CAMK1G: variants seen among roughly 807,000 people sequenced by gnomAD.
CAMK1G encodes calcium/calmodulin-dependent protein kinase type 1G.
In CAMK1G, 27 loss-of-function variants were observed where a neutral mutation model predicts 54.8. The ratio of observed to expected loss-of-function variants is 0.49; its 90% CI spans 0.36 to 0.68. CAMK1G has a LOEUF of 0.68. CAMK1G is among the 30% of genes least tolerant of loss of function. The pLI, the probability that CAMK1G is intolerant of heterozygous loss-of-function variation, is 0.00. For missense variants in CAMK1G, 512 were observed against 591.0 expected (o/e 0.87, Z 1.39); for synonymous variants, 238 against 224.9 (o/e 1.06, Z -0.52).
chr1:209,605,435 G>A, intron 4 of CAMK1G, 101 bp from the exon 5 acceptor site: 1 of 1,413,050 alleles, frequency 7.1e-7, no homozygotes, highest in Non-Finnish European at 9.6e-7. Context: ...GGGCCTGCCT[G>A]TTCCACTGCA....
intron 2 of CAMK1G, 113 bp from the exon 3 acceptor site, chr1:209,599,870 T>A (rs1665484463): frequency 7.8e-7 from 1 of 1,287,080 alleles, no homozygotes; most frequent in Non-Finnish European, 1.1e-6. Flanking sequence ...AGTATATGCC[T>A]TTGTGGTCAG....
rs139223811 is a variant in CAMK1G at position 209,609,420 on chromosome 1, A to T, written c.748+328A>T. 1.0e-3 allele frequency among the ~76,000 whole-genome samples: 154 copies of T among 152,356 alleles called. 1 individual carries two copies. Among genetic ancestry groups the T allele is most frequent in the African/African-American group, 3.4e-3 (142 of 41,590 alleles). On this transcript the variant is annotated intron_variant, in intron 8 of 12. Transcript: ENST00000361322. ...ACAAGAGCAGCAAAACTAAGGGGTT[A>T]GATATCAAGAAAGAGCATGCAATGT...
intron 1 of CAMK1G, among the ~76,000 whole-genome samples, chr1:209,593,850 T>G (rs1039142867): frequency 7.9e-6 from 1 of 126,912 alleles, no homozygotes; most frequent in Non-Finnish European, 1.9e-5. Context: ...TGTCTTCCCA[T>G]CTCACCTAGA....
intron 1 of CAMK1G, among the ~76,000 whole-genome samples, chr1:209,587,231 C>G (rs1665125245): frequency 6.6e-6 from 1 of 151,884 alleles, no homozygotes; most frequent in Non-Finnish European, 1.5e-5. Context: ...ACAGGCCCAG[C>G]CATTCACCTA....
At chr1:209,602,959 A>G (rs1043423188) in intron 3 of CAMK1G, among the ~76,000 whole-genome samples, 20 of 152,354 alleles carry the variant, frequency 1.3e-4, no homozygotes, top group African/African-American at 4.8e-4. Context: ...TCCTGGCATA[A>G]CAAGGAAGTG....
intron 1 of CAMK1G, among the ~76,000 whole-genome samples, chr1:209,588,735 G>A (rs558974847): frequency 6.6e-6 from 1 of 152,168 alleles, no homozygotes; most frequent in Non-Finnish European, 1.5e-5. Flanking sequence ...TCGGGCTAGT[G>A]GTGCTCCCTT....
chr1:209,609,125 G>A (rs774805053), intron 8 of CAMK1G, 33 bp downstream of exon 8: 3 of 1,613,674 alleles, frequency 1.9e-6, no homozygotes, highest in Admixed American at 1.7e-5. Context: ...AGAGATAACA[G>A]GCTCAAGGTA....
intron 1 of CAMK1G, among the ~76,000 whole-genome samples, chr1:209,584,638 G>C (rs1276284050): frequency 6.6e-6 from 1 of 152,152 alleles, no homozygotes; most frequent in African/African-American, 2.4e-5. Context: ...GGCTGCCAGG[G>C]CTCACGCTGG....
At chr1:209,601,205 T>G (rs1271259611) in intron 3 of CAMK1G, among the ~76,000 whole-genome samples, 1 of 152,140 alleles carries the variant, frequency 6.6e-6, no homozygotes, top group African/African-American at 2.4e-5. Flanking sequence ...TATAAGACTT[T>G]CACAATAATT....
intron 1 of CAMK1G, among the ~76,000 whole-genome samples, chr1:209,585,267 C>T (rs1451763949): frequency 1.3e-5 from 2 of 152,186 alleles, no homozygotes; most frequent in Non-Finnish European, 2.9e-5. Flanking sequence ...TGTCCCCAGC[C>T]TCCATGCTGA....
chr1:209,611,611 G>A, intron 10 of CAMK1G, 59 bp downstream of exon 10: 1 of 1,536,670 alleles, frequency 6.5e-7, no homozygotes, highest in Non-Finnish European at 9.0e-7. Context: ...GGCTGGGCTG[G>A]CAGGGGCTGA....
At position 209,598,345 on chromosome 1, in the gene CAMK1G, A is replaced by T. The variant is rs1026378715; in HGVS notation, c.93-1638A>T. Among the ~76,000 whole-genome samples, 20 of 152,276 alleles carry T rather than the reference A, an allele frequency of 1.3e-4. No homozygotes were observed. In the East Asian group the frequency reaches 2.9e-3, roughly 22 times the overall value. On this transcript the variant is annotated intron_variant, in intron 2 of 12. Transcript: ENST00000361322. The stretch of plus-strand genomic sequence containing the variant: ...TAACTGGTACAGAGTGATCACCACC[A>T]CCTAAAATTGAGAGACGAGTCTTTT...
Position 209,600,110 on chromosome 1 carries a change from A to G in CAMK1G, c.220A>G (p.Lys74Glu), listed in dbSNP as rs767156458. The change falls in exon 3 of 13, where the codon AAG becomes GAG. Residue 74 changes from lysine to glutamate, a missense_variant and splice_region_variant. Around this residue, in one of 3 missense-constraint regions of CAMK1G, gnomAD observed 186 missense variants for 231.5 expected, o/e 0.80. Transcript: ENST00000361322. ...GGAGAATGAGATTGCTGTGTTGAAA[A>G]AGTGAGTGGGTCTTAGTGTTGACTG... ...SLENEIAVLK[K>E]IKHENIVTLE... The G allele has an allele frequency of 6.2e-7, 1 of 1,613,308 alleles. No homozygotes were observed. Among genetic ancestry groups the G allele is most frequent in the Admixed American group, 1.7e-5 (1 of 59,986 alleles).
At chr1:209,599,502 G>C (rs774702662) in intron 2 of CAMK1G, among the ~76,000 whole-genome samples, 1 of 152,110 alleles carries the variant, frequency 6.6e-6, no homozygotes, top group Non-Finnish European at 1.5e-5. Context: ...TCTCCCAAGC[G>C]TTAGTTGTGG....
intron 4 of CAMK1G, among the ~76,000 whole-genome samples, chr1:209,603,618 G>A (rs1665579175): frequency 2.0e-5 from 3 of 151,936 alleles, no homozygotes; most frequent in Admixed American, 1.3e-4. Flanking sequence ...ACCCCTCCTC[G>A]CCCCTTGCAA....
intron 3 of CAMK1G, among the ~76,000 whole-genome samples, chr1:209,602,325 CAA>C (rs1289455706): frequency 2.0e-5 from 3 of 152,090 alleles, no homozygotes; most frequent in African/African-American, 7.2e-5. Flanking sequence ...CCCTGAGAGG[CAA>C]AATAGTCCCT....
At chr1:209,593,786 G>A (rs532042736) in intron 1 of CAMK1G, among the ~76,000 whole-genome samples, 20 of 152,310 alleles carry the variant, frequency 1.3e-4, no homozygotes, top group African/African-American at 4.1e-4. Flanking sequence ...ATCAGCCAGA[G>A]TGAACTCTTT....
chr1:209,607,249 A>G (rs1444418277), intron 6 of CAMK1G, among the ~76,000 whole-genome samples: 1 of 152,170 alleles, frequency 6.6e-6, no homozygotes, highest in East Asian at 1.9e-4. Context: ...TACAGAAGGC[A>G]GCTCTCTACA....
chr1:209,586,000 G>A (rs1045143710), intron 1 of CAMK1G, among the ~76,000 whole-genome samples: 3 of 152,234 alleles, frequency 2.0e-5, no homozygotes, highest in Admixed American at 1.3e-4. Context: ...GGGACTGCAC[G>A]GACTATCCAG....
Sources: gnomAD v4.1 joint callset for allele counts (sites outside exome capture counted in the v4.1 genomes callset) on GRCh38, gnomAD v4.1.1 for gene constraint, gnomAD v4.1.1 regional missense constraint, MANE v1.5 for transcripts, NCBI Gene and HGNC (gene_info 2026-07-23, HGNC 2026-07-21) for gene names.